The following GYPB variants were observed in gnomAD, a reference collection of about 807,000 sequenced individuals.
The protein encoded by GYPB is glycophorin-B.
Under a neutral mutation model 15.3 loss-of-function variants are expected in GYPB, and 13 were observed. That is an observed-to-expected ratio of 0.85 (90% CI 0.55 to 1.35). GYPB has a LOEUF of 1.35. Among genes scored for constraint, GYPB ranks in the 40% most tolerant of loss-of-function variants. GYPB has a pLI of 0.00. For synonymous variants in GYPB, 38 were observed against 36.9 expected, an observed-to-expected ratio of 1.03 and a Z score of -0.11; for missense variants, 131 against 108.3, an observed-to-expected ratio of 1.21 and a Z score of -0.93.
At chr4:144,002,629 T>A (rs563640522) in intron 1 of GYPB, 321 of 1,286,884 alleles carry the variant, frequency 2.5e-4, no homozygotes, top group Admixed American at 1.1e-3. Context: ...TGCAGTGGAG[T>A]GGAGGTGGAA....
In GYPB at chr4:144,019,361, G is replaced by A. The variant is rs1426507523; in HGVS notation, c.-74C>T. 2.0e-5 allele frequency: 32 copies of A among 1,610,738 alleles called. No homozygotes were observed. In the East Asian group the frequency reaches 4.9e-4, roughly 25 times the overall value. ...AGACAACTGCAAGTGTCAGTGTCTG[G>A]CCTTAGCCTACTAGCTGTTATCTTC... On this transcript the variant is annotated 5_prime_UTR_variant, in exon 1 of 5. Transcript: ENST00000502664.
intron 4 of GYPB, 104 bp from the exon 5 acceptor site, chr4:143,996,408 G>C (rs1727313889): frequency 6.5e-7 from 1 of 1,541,350 alleles, no homozygotes; most frequent in Non-Finnish European, 8.8e-7. Context: ...TTCACAGGCT[G>C]TAGCCAATTG....
intron 1 of GYPB, among the ~76,000 whole-genome samples, chr4:144,006,258 C>T (rs1214434628): frequency 2.0e-5 from 3 of 151,938 alleles, no homozygotes; most frequent in African/African-American, 4.9e-5. Context: ...GTGTTTGGCT[C>T]ATCTCACAGC....
chr4:144,002,186 T>G (rs1284401893), intron 1 of GYPB, among the ~76,000 whole-genome samples: 2 of 151,290 alleles, frequency 1.3e-5, no homozygotes, highest in Non-Finnish European at 2.9e-5. Context: ...TAAAGAATAT[T>G]TGGGAACTAC....
intron 3 of GYPB, 144 bp downstream of exon 3, chr4:143,999,263 TTTTC>T: frequency 1.7e-6 from 1 of 576,392 alleles, no homozygotes; most frequent in East Asian, 3.5e-5. Flanking sequence ...AAAGAGAATA[TTTTC>T]TTTGTCTTTA....
chr4:144,005,984 C>A (rs1296081947), intron 1 of GYPB, among the ~76,000 whole-genome samples: 1 of 151,508 alleles, frequency 6.6e-6, no homozygotes, highest in Non-Finnish European at 1.5e-5. Context: ...CAAGTGTTGG[C>A]AAATCTCTCA....
intron 1 of GYPB, chr4:144,012,610 GC>G (rs1728272882): frequency 6.6e-6 from 1 of 151,444 alleles, no homozygotes; most frequent in Non-Finnish European, 1.5e-5. Context: ...GTGTGATTTT[GC>G]CCCAAGAACA....
rs183183817 is a variant in GYPB at position 144,011,453 on chromosome 4, A to G, written c.37+7798T>C. ...TAATCTTAGGCAAAGTAGAATTAAG[A>G]GAAAAGACATTACAAACAGTGAAAA... On this transcript the variant is annotated intron_variant, in intron 1 of 4. Transcript: ENST00000502664. Among the ~76,000 whole-genome samples the G allele has an allele frequency of 6.7e-3, 1,021 of 151,478 alleles. 15 individuals are homozygous for G. Among genetic ancestry groups the G allele is most frequent in the Non-Finnish European group, 0.01 (699 of 68,030 alleles).
Position 144,007,578 on chromosome 4 carries a change from AGTCT to A in GYPB, c.38-6299_38-6296del, listed in dbSNP as rs1486549655. On this transcript the variant is annotated intron_variant, in intron 1 of 4. Coordinates refer to ENST00000502664, the MANE Select transcript of GYPB (RefSeq NM_002100.6). Reference sequence around the variant, plus strand: ...GCAGAGGTGGAGAAAAAAATCGGTCAGTCTGTCATTCCAGCCAGTGCACATTCTT... The same window carrying A: ...GCAGAGGTGGAGAAAAAAATCGGTCAGTCATTCCAGCCAGTGCACATTCTT... 2.4e-4 allele frequency among the ~76,000 whole-genome samples: 36 copies of A among 151,740 alleles called. 3 individuals are homozygous for A. Among genetic ancestry groups the A allele is most frequent in the African/African-American group, 8.8e-4 (36 of 41,022 alleles).
rs1727495748 is a variant in GYPB, at chr4:143,999,385, T to C, written c.175+26A>G. 3 of 1,367,420 alleles carry C rather than the reference T, an allele frequency of 2.2e-6. No individual in the cohort carries two copies. In the East Asian group the frequency reaches 6.9e-5, roughly 31 times the overall value. The allele number at this position is 1,367,420 out of a possible 1,614,324, so 84.7% of individuals were successfully genotyped here. On this transcript the variant is annotated intron_variant, in intron 3 of 4. Coordinates refer to ENST00000502664, the MANE Select transcript of GYPB (RefSeq NM_002100.6). ...TGGATAGTTTAAAATGGAATGACTT[T>C]TATTCTTTGTCAAATATTAACATAC... is the stretch of plus-strand genomic sequence containing the variant.
In GYPB at chr4:143,997,965, A is replaced by G. The variant is rs371085742; in HGVS notation, c.176-331T>C. ...GTGGACGTTCTCCTCAGATATGGGG[A>G]AAAAAACCCACAAATTCTCCCATAG... is the stretch of plus-strand genomic sequence containing the variant. On this transcript the variant is annotated intron_variant, in intron 3 of 4. Coordinates refer to ENST00000502664, the MANE Select transcript of GYPB (RefSeq NM_002100.6). 3.9e-4 allele frequency among the ~76,000 whole-genome samples: 58 copies of G among 150,346 alleles called. 3 individuals carry two copies. The highest frequency in any genetic ancestry group is 1.2e-3 in the African/African-American group (49 of 40,550).
intron 1 of GYPB, among the ~76,000 whole-genome samples, chr4:144,013,157 C>T (rs1457149856): frequency 6.6e-6 from 1 of 151,228 alleles, no homozygotes; most frequent in Non-Finnish European, 1.5e-5. Flanking sequence ...AGCCAAAAAA[C>T]ACATGAAAAA....
rs889919755 is a variant in GYPB at position 143,998,295 on chromosome 4, G to C, written c.176-661C>G. 2.6e-5 allele frequency among the ~76,000 whole-genome samples: 4 copies of C among 151,466 alleles called. 1 individual carries two copies. The highest frequency in any genetic ancestry group is 9.8e-5 in the African/African-American group (4 of 40,748). ...GAATGAAACAATTGAAATCAATTAA[G>C]TAAGAGATATTTCCATATTTATAGC... On this transcript the variant is annotated intron_variant, in intron 3 of 4. Coordinates refer to ENST00000502664, the MANE Select transcript of GYPB (RefSeq NM_002100.6).
chr4:144,004,213 T>A (rs1469976776), intron 1 of GYPB, among the ~76,000 whole-genome samples: 1 of 151,864 alleles, frequency 6.6e-6, no homozygotes, highest in Non-Finnish European at 1.5e-5. Context: ...AATAAACATA[T>A]AAATGCCCTA....
At chr4:144,010,299 A>G (rs924517886) in intron 1 of GYPB, among the ~76,000 whole-genome samples, 2 of 151,278 alleles carry the variant, frequency 1.3e-5, no homozygotes, top group Non-Finnish European at 2.9e-5. Context: ...CCCCATATTT[A>G]CAAATTAAAT....
intron 1 of GYPB, among the ~76,000 whole-genome samples, chr4:144,008,651 C>T (rs959603774): frequency 4.6e-5 from 7 of 151,540 alleles, no homozygotes; most frequent in African/African-American, 1.7e-4. Flanking sequence ...TGTAGCTGAA[C>T]TTCACACACA....
chr4:143,997,523 A>G lies in GYPB; in HGVS notation c.270+17T>C. 6.9e-7 allele frequency: 1 copy of G among 1,455,730 alleles called. No homozygotes were observed. 90.2% of individuals were successfully genotyped at this position (1,455,730 alleles called of 1,614,324 possible). A position where few individuals can be genotyped will look rare whatever the true frequency, so the allele number is the denominator to read the frequency against. On this transcript the variant is annotated intron_variant, in intron 4 of 4. Coordinates refer to ENST00000502664, the MANE Select transcript of GYPB (RefSeq NM_002100.6). ...TCACACTGGTATTTAGAGCAAAATTAAAAACTGAATTCTCACCTTTATCAG... is the reference window on the plus strand; with the variant it reads ...TCACACTGGTATTTAGAGCAAAATTGAAAACTGAATTCTCACCTTTATCAG...
chr4:144,011,197 C>T (rs1344986891), intron 1 of GYPB, among the ~76,000 whole-genome samples: 3 of 150,996 alleles, frequency 2.0e-5, no homozygotes, highest in South Asian at 2.1e-4. Flanking sequence ...CTGGGCAACA[C>T]GGTGAAACCC....
chr4:144,003,710 G>A (rs1469330288), intron 1 of GYPB, among the ~76,000 whole-genome samples: 1 of 151,332 alleles, frequency 6.6e-6, no homozygotes, highest in African/African-American at 2.5e-5. Context: ...CTAGCAAATA[G>A]GTAGACTTCT....
Sources: gnomAD v4.1 joint callset for allele counts (sites outside exome capture counted in the v4.1 genomes callset) on GRCh38, gnomAD v4.1.1 for gene constraint, MANE v1.5 for transcripts, NCBI Gene and HGNC (gene_info 2026-07-23, HGNC 2026-07-21) for gene names.